CELSR2: variants seen among roughly 807,000 people sequenced by gnomAD.
The protein encoded by CELSR2 is EGF-like protein 2.
A neutral mutation model predicts 251.6 loss-of-function variants in CELSR2; 81 were observed. That is an observed-to-expected ratio of 0.32 (90% CI 0.27 to 0.39). The LOEUF (loss-of-function observed/expected upper bound fraction) is 0.39, where lower values mean the gene tolerates loss of function less well. Among genes scored for constraint, CELSR2 ranks in the 10% least tolerant of loss-of-function variants. The pLI, the probability that CELSR2 is intolerant of heterozygous loss-of-function variation, is 1.00. For missense variants in CELSR2, 3,365 were observed against 3,947.7 expected (o/e 0.85, Z 3.96); for synonymous variants, 1,721 against 1,670.5 (o/e 1.03, Z -0.74).
At position 109,253,188 on chromosome 1, in the gene CELSR2, C is replaced by T. The variant is rs771903071; in HGVS notation, c.3109C>T (p.Arg1037Cys). 21 of 1,613,526 alleles carry T rather than the reference C, an allele frequency of 1.3e-5. No homozygotes were observed. Among genetic ancestry groups the T allele is most frequent in the Non-Finnish European group, 1.6e-5 (19 of 1,180,052 alleles). ...EILFNNYVTN[R>C]SSSFPGGAIG... ...CCTTTTCAACAACTATGTCACCAATCGCTCAAGCAGCTTCCCTGGGGGTGC... is the reference window on the plus strand; with the variant it reads ...CCTTTTCAACAACTATGTCACCAATTGCTCAAGCAGCTTCCCTGGGGGTGC... The change falls in exon 1 of 34, where the codon CGC becomes TGC. Residue 1037 changes from arginine (R) to cysteine (C), a missense_variant. Around this residue, in one of 5 missense-constraint regions of CELSR2, gnomAD observed 505 missense variants for 660.0 expected, o/e 0.77. Coordinates refer to ENST00000271332, the MANE Select transcript of CELSR2 (RefSeq NM_001408.3).
chr1:109,268,119 G>A, intron 17 of CELSR2, 59 bp downstream of exon 17: 2 of 1,543,328 alleles, frequency 1.3e-6, no homozygotes, highest in Non-Finnish European at 1.7e-6. Context: ...GAGTGAGCCT[G>A]CTCATGGCAA....
Position 109,269,166 on chromosome 1 carries a change from C to G in CELSR2, c.6688C>G (p.Leu2230Val), listed in dbSNP as rs771513395. Residue 2230 changes from leucine to valine, a missense_variant, in exon 20 of 34, where the codon CTG (leucine) becomes GTG (valine). Physicochemically the swap from Leu to Val is conservative, Grantham distance 32 (BLOSUM62 1). Coordinates refer to ENST00000271332, the MANE Select transcript of CELSR2 (RefSeq NM_001408.3). This position sits in a 1 kb window ranked among gnomAD's most constrained non-coding sequence, Gnocchi z 6.4. ...CGGAGAGGCCCAGGAGCCAGAGGAGCTGGCACGGCGACAGCGACGGCACCC... is the reference window on the plus strand; with the variant it reads ...CGGAGAGGCCCAGGAGCCAGAGGAGGTGGCACGGCGACAGCGACGGCACCC... The part of the protein sequence containing the change: ...GPGEAQEPEE[L>V]ARRQRRHPEL... The G allele has an allele frequency of 1.2e-6, 2 of 1,611,812 alleles. No homozygotes were observed. Among genetic ancestry groups the G allele is most frequent in the South Asian group, 1.1e-5 (1 of 90,986 alleles).
chr1:109,261,277 G>T lies in CELSR2; in HGVS notation c.4181+13G>T. 6.2e-7 allele frequency: 1 copy of T among 1,610,288 alleles called. No homozygotes were observed. ...CCCTGGCCCTCTCGTGAGTGGCTGG[G>T]CACTGGGGGTGGGGAGTGGGCCTGG... is the stretch of plus-strand genomic sequence containing the variant. On this transcript the variant is annotated intron_variant, in intron 3 of 33. Transcript: ENST00000271332. The surrounding 1 kb of genome is among the most constrained non-coding windows in gnomAD (Gnocchi z 4.8).
chr1:109,259,013 G>A lies in CELSR2; in HGVS notation c.3892G>A (p.Gly1298Ser), dbSNP rs1391150052. ...EVDLCYSRPCGPHGRCRSREG... is the reference protein window; with the variant it reads ...EVDLCYSRPCSPHGRCRSREG... ...GGACCTCTGCTACTCGCGGCCCTGT[G>A]GCCCCCACGGGCGCTGCCGCAGCCG... Residue 1298 changes from glycine to serine, a missense_variant, in exon 2 of 34, where the codon GGC (glycine) becomes AGC (serine). Coordinates refer to ENST00000271332, the MANE Select transcript of CELSR2 (RefSeq NM_001408.3). 3.1e-6 allele frequency: 5 copies of A among 1,602,578 alleles called. 1 individual carries two copies. In the South Asian group the frequency reaches 5.5e-5, roughly 18 times the overall value.
At chr1:109,253,501 C>T in intron 1 of CELSR2, 112 bp downstream of exon 1, 1 of 1,467,802 alleles carries the variant, frequency 6.8e-7, no homozygotes, top group Non-Finnish European at 9.0e-7. Context: ...ACCTCCCTGC[C>T]CAGTGCCTGG....
At position 109,251,033 on chromosome 1, in the gene CELSR2, C is replaced by T. The variant is rs1457188980; in HGVS notation, c.954C>T (p.Ala318=). The change falls in exon 1 of 34, where the codon GCC becomes GCT. Residue 318 remains alanine (A), a synonymous_variant. Transcript: ENST00000271332. This position sits in a 1 kb window ranked among gnomAD's most constrained non-coding sequence, Gnocchi z 4.9. ...CTGTCAGGGCCACGGATGGTGATGCCCCTCCCAATGCCAATATTCTGTACC... is the reference window on the plus strand; with the variant it reads ...CTGTCAGGGCCACGGATGGTGATGCTCCTCCCAATGCCAATATTCTGTACC... ...VLTVRATDGD[A]PPNANILYRL... is the part of the protein sequence containing the mutation. The T allele has an allele frequency of 6.2e-7, 1 of 1,613,474 alleles. No individual in the cohort carries two copies.
At chr1:109,265,079 C>T in intron 12 of CELSR2, 70 bp downstream of exon 12, 1 of 1,601,676 alleles carries the variant, frequency 6.2e-7, no homozygotes, top group Non-Finnish European at 8.5e-7. Flanking sequence ...TCCCTCAGAG[C>T]CCCGAAAGCC....
In CELSR2 at chr1:109,267,657, T is replaced by G. The variant is rs1040583321; in HGVS notation, c.6108+15T>G. ...TGAAGGGCTTCGTAAGTGAACCCCC[T>G]CATCTCCATCTTTTCCCTGTCCTTC... On this transcript the variant is annotated intron_variant, in intron 16 of 33. Coordinates refer to ENST00000271332, the MANE Select transcript of CELSR2 (RefSeq NM_001408.3). The G allele has an allele frequency of 6.2e-7, 1 of 1,613,724 alleles. No homozygotes were observed. The highest frequency in any genetic ancestry group is 1.3e-5 in the African/African-American group (1 of 75,028).
intron 2 of CELSR2, among the ~76,000 whole-genome samples, chr1:109,259,291 C>T (rs111637989): frequency 6.6e-6 from 1 of 152,258 alleles, no homozygotes; most frequent in Non-Finnish European, 1.5e-5. Flanking sequence ...ACAGGACACA[C>T]AGGCAGTGCC....
Position 109,251,932 on chromosome 1 carries a change from G to C in CELSR2, c.1853G>C (p.Arg618Pro). Residue 618 changes from arginine (R) to proline (P), a missense_variant, in exon 1 of 34, where the codon CGG (arginine) becomes CCG (proline). Physicochemically the swap from Arg to Pro is moderately radical, Grantham distance 103. Coordinates refer to ENST00000271332, the MANE Select transcript of CELSR2 (RefSeq NM_001408.3). The surrounding 1 kb of genome is among the most constrained non-coding windows in gnomAD (Gnocchi z 4.9). Reference protein sequence around the residue: ...PTFTQPEYTVRLNEDAAVGTS... With the variant: ...PTFTQPEYTVPLNEDAAVGTS... ...TTTACCCAACCAGAGTACACAGTGC[G>C]GCTCAATGAGGATGCAGCTGTGGGC... The C allele has an allele frequency of 6.2e-7, 1 of 1,614,108 alleles. No homozygotes were observed. The highest frequency in any genetic ancestry group is 8.5e-7 in the Non-Finnish European group (1 of 1,180,034).
rs1260907674 is a variant in CELSR2, at chr1:109,270,453, C to G, written c.7336C>G (p.Leu2446Val). 1 of 1,614,216 alleles carries G rather than the reference C, an allele frequency of 6.2e-7. No homozygotes were observed. Among genetic ancestry groups the G allele is most frequent in the Admixed American group, 1.7e-5 (1 of 60,034 alleles). The change falls in exon 24 of 34, where the codon CTG becomes GTG. Residue 2446 changes from leucine to valine, a missense_variant. Physicochemically the swap from Leu to Val is conservative, Grantham distance 32. This residue lies in a region of CELSR2 where 2,093 missense variants were observed against 2,382.8 expected (regional missense o/e 0.88). Coordinates refer to ENST00000271332, the MANE Select transcript of CELSR2 (RefSeq NM_001408.3). The stretch of plus-strand genomic sequence containing the variant: ...TGCCTGCACAGTCATTGCCATCCTG[C>G]TGCACTTCCTGTACCTCTGCACCTT... ...PFACTVIAIL[L>V]HFLYLCTFSW... is the part of the protein sequence containing the mutation.
At chr1:109,270,723 A>G in intron 24 of CELSR2, 123 bp downstream of exon 24, 2 of 1,287,408 alleles carry the variant, frequency 1.6e-6, no homozygotes, top group Non-Finnish European at 2.2e-6. Context: ...CGCCTTATTC[A>G]CAGGTGTCCC....
Position 109,273,279 on chromosome 1 carries a change from C to T in CELSR2, c.8452C>T (p.Leu2818=). 1 of 1,607,726 alleles carries T rather than the reference C, an allele frequency of 6.2e-7. No individual in the cohort carries two copies. The highest frequency in any genetic ancestry group is 8.5e-7 in the Non-Finnish European group (1 of 1,176,854). ...GCGGCTGCGGGAGAATGGAGATGCCCTGTCTCGAGAGGGGTCCCTAGGCCC... is the reference window on the plus strand; with the variant it reads ...GCGGCTGCGGGAGAATGGAGATGCCTTGTCTCGAGAGGGGTCCCTAGGCCC... ...EERLRENGDA[L]SREGSLGPLP... Residue 2818 remains leucine, a synonymous_variant, in exon 32 of 34, where the codon CTG becomes TTG. Coordinates refer to ENST00000271332, the MANE Select transcript of CELSR2 (RefSeq NM_001408.3).
At position 109,266,744 on chromosome 1, in the gene CELSR2, G is replaced by T. The variant is rs779394214; in HGVS notation, c.6013+538G>T. ...GACTTTTTTTTTTTTTTTTTGAGACGGAGTCTCGCTCTGTCATCAGGCTAC... is the reference window on the plus strand; with the variant it reads ...GACTTTTTTTTTTTTTTTTTGAGACTGAGTCTCGCTCTGTCATCAGGCTAC... On this transcript the variant is annotated intron_variant, in intron 15 of 33. Coordinates refer to ENST00000271332, the MANE Select transcript of CELSR2 (RefSeq NM_001408.3). Among the ~76,000 whole-genome samples the T allele has an allele frequency of 2.3e-3, 325 of 139,586 alleles. 6 individuals carry two copies. Among genetic ancestry groups the T allele is most frequent in the Non-Finnish European group, 6.6e-4 (43 of 65,440 alleles). The allele number at this position is 139,586 out of a possible 152,430, so 91.6% of individuals were successfully genotyped here. A position where few individuals can be genotyped will look rare whatever the true frequency, so the allele number is the denominator to read the frequency against.
Position 109,252,981 on chromosome 1 carries a change from G to T in CELSR2, c.2902G>T (p.Val968Phe). 1 of 1,612,590 alleles carries T rather than the reference G, an allele frequency of 6.2e-7. No homozygotes were observed. Among genetic ancestry groups the T allele is most frequent in the Non-Finnish European group, 8.5e-7 (1 of 1,179,142 alleles). Residue 968 changes from valine to phenylalanine, a missense_variant, in exon 1 of 34, where the codon GTC becomes TTC. By Grantham distance (50) the Val-to-Phe change is conservative. Coordinates refer to ENST00000271332, the MANE Select transcript of CELSR2 (RefSeq NM_001408.3). The surrounding 1 kb of genome is among the most constrained non-coding windows in gnomAD (Gnocchi z 4.8). ...YQIVEGNIPE[V>F]FQLDIFSGEL... is the part of the protein sequence containing the mutation. ...GATTGTGGAGGGCAACATCCCTGAG[G>T]TCTTTCAGCTGGACATCTTCTCCGG...
In CELSR2 at chr1:109,267,570, T is replaced by C. The variant is rs1656236549; in HGVS notation, c.6036T>C (p.Asp2012=). The change falls in exon 16 of 34, where the codon GAT becomes GAC. Residue 2012 remains aspartate, a synonymous_variant. Transcript: ENST00000271332. ...CAGGGACTGCTGTGCGCCACTGTGATGAGCACAGGGGGTGGCTCCCCCCAA... is the reference window on the plus strand; with the variant it reads ...CAGGGACTGCTGTGCGCCACTGTGACGAGCACAGGGGGTGGCTCCCCCCAA... ...GSFGTAVRHC[D]EHRGWLPPNL... 2 of 1,614,172 alleles carry C rather than the reference T, an allele frequency of 1.2e-6. No homozygotes were observed. The highest frequency in any genetic ancestry group is 1.7e-6 in the Non-Finnish European group (2 of 1,180,010).
At chr1:109,263,456 C>T (rs1352625080) in intron 8 of CELSR2, among the ~76,000 whole-genome samples, 155 bp from the exon 9 acceptor site, 1 of 152,204 alleles carries the variant, frequency 6.6e-6, no homozygotes, top group Non-Finnish European at 1.5e-5. Flanking sequence ...CTGGGCACAG[C>T]GTGGGGCGGT....
At chr1:109,260,982 G>A in intron 2 of CELSR2, 60 bp from the exon 3 acceptor site, 2 of 1,352,644 alleles carry the variant, frequency 1.5e-6, no homozygotes, top group East Asian at 2.3e-5. Context: ...GTTGTGGGGG[G>A]TCTCAGTTCC....
intron 1 of CELSR2, among the ~76,000 whole-genome samples, chr1:109,256,907 C>G (rs1451621789): frequency 6.6e-6 from 1 of 152,188 alleles, no homozygotes; most frequent in Non-Finnish European, 1.5e-5. Flanking sequence ...ATCCACCCGC[C>G]TCAGCCTCCC....
Sources: allele counts gnomAD v4.1 joint callset (sites outside exome capture counted in the v4.1 genomes callset), GRCh38; gene constraint gnomAD v4.1.1; regional missense constraint gnomAD v4.1.1; non-coding constraint Gnocchi (gnomAD v3.1); transcripts MANE v1.5; gene names NCBI Gene and HGNC (gene_info 2026-07-23, HGNC 2026-07-21).